WDR41: variants seen among roughly 807,000 people sequenced by gnomAD.
The protein encoded by WDR41 is WD repeat-containing protein 41.
In WDR41, 63 loss-of-function variants were observed where a neutral mutation model predicts 69.3. The ratio of observed to expected loss-of-function variants is 0.91; its 90% CI spans 0.74 to 1.12. WDR41 has a LOEUF of 1.12. WDR41 is among the 50% of genes most tolerant of loss of function. The pLI, the probability that WDR41 is intolerant of heterozygous loss-of-function variation, is 0.00. For missense variants in WDR41, 543 were observed against 534.5 expected (o/e 1.02, Z -0.16); for synonymous variants, 185 against 192.1 (o/e 0.96, Z 0.31).
At chr5:77,561,217 A>T (rs1264778349) in intron 1 of WDR41, among the ~76,000 whole-genome samples, 1 of 152,146 alleles carries the variant, frequency 6.6e-6, no homozygotes, top group South Asian at 2.1e-4. Flanking sequence ...CTCCCATATC[A>T]GTGTGATATA....
intron 12 of WDR41, among the ~76,000 whole-genome samples, chr5:77,435,392 T>C (rs1398258325): frequency 6.6e-6 from 1 of 152,212 alleles, no homozygotes; most frequent in Non-Finnish European, 1.5e-5. Context: ...CTATTAGGTC[T>C]ATACCCCTTC....
At position 77,492,307 on chromosome 5, in the gene WDR41, C is replaced by A; in HGVS notation, c.-87G>T. 6.4e-7 allele frequency: 1 copy of A among 1,557,954 alleles called. No individual in the cohort carries two copies. The highest frequency in any genetic ancestry group is 1.7e-5 in the Admixed American group (1 of 57,228). On this transcript the variant is annotated 5_prime_UTR_variant, in exon 1 of 13. Coordinates refer to ENST00000296679, the MANE Select transcript of WDR41 (RefSeq NM_018268.4). ...CGGCCTCCTCCTTCCTCCCCGGCTGCAGCGCAACTGAGACGCTAATACTTC... is the reference window on the plus strand; with the variant it reads ...CGGCCTCCTCCTTCCTCCCCGGCTGAAGCGCAACTGAGACGCTAATACTTC...
chr5:77,478,406 C>A (rs1352941062), intron 2 of WDR41, among the ~76,000 whole-genome samples: 9 of 152,176 alleles, frequency 5.9e-5, no homozygotes, highest in Non-Finnish European at 1.5e-5. Flanking sequence ...CCTTGATGAA[C>A]ACTGATGCAA....
At chr5:77,602,606 G>T (rs1173398895) in intron 1 of WDR41, among the ~76,000 whole-genome samples, 2 of 152,038 alleles carry the variant, frequency 1.3e-5, no homozygotes, top group African/African-American at 4.8e-5. Context: ...TGATCAAATA[G>T]TATTCCATTG....
chr5:77,547,468 C>T (rs893089963), intron 1 of WDR41, among the ~76,000 whole-genome samples: 1 of 151,754 alleles, frequency 6.6e-6, no homozygotes, highest in Non-Finnish European at 1.5e-5. Context: ...CTCTTCTATA[C>T]ACCAACGGTG....
rs368473537 is a variant in WDR41 at position 77,610,553 on chromosome 5, C to T, written c.42+9926G>A. Among the ~76,000 whole-genome samples, 149 of 151,708 alleles carry T rather than the reference C, an allele frequency of 9.8e-4. 2 individuals carry two copies. The East Asian group carries it at 0.024, about 25-fold the overall frequency. Reference sequence around the variant, plus strand: ...ACCCAGAATTTCATATCCAGCCAAACTAAGCTTCATAAGTGAAGGAGAAAT... The same window carrying T: ...ACCCAGAATTTCATATCCAGCCAAATTAAGCTTCATAAGTGAAGGAGAAAT... On this transcript the variant is annotated intron_variant, in intron 1 of 5. Coordinates refer to the WDR41 transcript ENST00000509971.
intron 1 of WDR41, among the ~76,000 whole-genome samples, chr5:77,604,803 T>TA (rs1347250862): frequency 2.6e-5 from 4 of 151,962 alleles, no homozygotes; most frequent in South Asian, 2.1e-4. Context: ...TACATAACTT[T>TA]AAAAAAAATG....
chr5:77,433,179 A>ATAATCT lies in WDR41; in HGVS notation c.1330_1335dup (p.Arg444_Leu445dup), dbSNP rs78148217. The ATAATCT allele has an allele frequency of 6.2e-7, 1 of 1,613,742 alleles. No individual in the cohort carries two copies. The highest frequency in any genetic ancestry group is 1.3e-5 in the African/African-American group (1 of 75,058). On this transcript the variant is annotated inframe_insertion, in exon 13 of 13. Transcript: ENST00000296679. Reference sequence around the variant, plus strand: ...TCACCATTCTCCTCTAATTTTTGAAATAATCTTAAACTGCGCAATCCAGAT... The same window carrying ATAATCT: ...TCACCATTCTCCTCTAATTTTTGAAATAATCTTAATCTTAAACTGCGCAATCCAGAT...
intron 2 of WDR41, among the ~76,000 whole-genome samples, chr5:77,486,271 A>G (rs570901918): frequency 1.3e-5 from 2 of 152,380 alleles, no homozygotes; most frequent in South Asian, 4.1e-4. Flanking sequence ...GAAAAACTTC[A>G]TAGTTGATTA....
chr5:77,548,082 A>G (rs1743229864), intron 1 of WDR41, among the ~76,000 whole-genome samples: 2 of 152,172 alleles, frequency 1.3e-5, no homozygotes, highest in Admixed American at 1.3e-4. Context: ...CAAGCCACAC[A>G]TAGGAAAATG....
At chr5:77,459,919 C>T (rs866438764) in intron 4 of WDR41, among the ~76,000 whole-genome samples, 22 of 152,224 alleles carry the variant, frequency 1.4e-4, no homozygotes, top group Middle Eastern at 3.4e-3. Flanking sequence ...TATCCTAAGT[C>T]AAAATGCATT....
intron 1 of WDR41, among the ~76,000 whole-genome samples, chr5:77,601,822 A>G (rs2112325138): frequency 6.6e-6 from 1 of 152,268 alleles, no homozygotes; most frequent in African/African-American, 2.4e-5. Flanking sequence ...AAACCTTTTA[A>G]TTACTTTTTA....
intron 1 of WDR41, among the ~76,000 whole-genome samples, chr5:77,526,189 T>G (rs1039460335): frequency 6.6e-6 from 1 of 152,158 alleles, no homozygotes; most frequent in Non-Finnish European, 1.5e-5. Context: ...CACACTTGTT[T>G]TATCCCTCTT....
At chr5:77,482,510 C>G (rs557460951) in intron 2 of WDR41, among the ~76,000 whole-genome samples, 3 of 151,736 alleles carry the variant, frequency 2.0e-5, no homozygotes, top group South Asian at 2.1e-4. Flanking sequence ...CGAGTTCTCA[C>G]AGTCTGGGTT....
At chr5:77,559,512 C>T (rs554091086) in intron 1 of WDR41, among the ~76,000 whole-genome samples, 5 of 151,822 alleles carry the variant, frequency 3.3e-5, no homozygotes, top group Non-Finnish European at 5.9e-5. Flanking sequence ...CAATCCAGTA[C>T]AACAATTAGT....
At chr5:77,505,715 A>C (rs1471755735) in intron 1 of WDR41, among the ~76,000 whole-genome samples, 1 of 152,044 alleles carries the variant, frequency 6.6e-6, no homozygotes, top group Non-Finnish European at 1.5e-5. Flanking sequence ...CAGAACAGAG[A>C]CCTCAGAAAT....
intron 1 of WDR41, among the ~76,000 whole-genome samples, chr5:77,613,959 A>C (rs1366617534): frequency 2.0e-5 from 3 of 152,208 alleles, no homozygotes; most frequent in Non-Finnish European, 4.4e-5. Flanking sequence ...GAAAAAAACA[A>C]ACAACCCTAT....
intron 8 of WDR41, among the ~76,000 whole-genome samples, chr5:77,441,675 T>A (rs918320806): frequency 3.3e-5 from 5 of 151,714 alleles, no homozygotes; most frequent in African/African-American, 4.9e-5. Flanking sequence ...GACGCAGAGG[T>A]CGCAGTGAGC....
chr5:77,545,968 C>T (rs1314792613), intron 1 of WDR41: 2 of 486,748 alleles, frequency 4.1e-6, no homozygotes, highest in Non-Finnish European at 7.2e-6. Context: ...GTGCTGGTGA[C>T]CTCATCCCTG....
Sources: gnomAD v4.1 joint callset for allele counts (sites outside exome capture counted in the v4.1 genomes callset) on GRCh38, gnomAD v4.1.1 for gene constraint, MANE v1.5 for transcripts, NCBI Gene and HGNC (gene_info 2026-07-23, HGNC 2026-07-21) for gene names.